Variants in TLN1 observed in about 807,000 individuals in gnomAD.
TLN1 encodes talin 1, also known as talin-1.
TLN1 carries 56 observed loss-of-function variants against 292.3 expected under a neutral mutation model. The ratio of observed to expected loss-of-function variants is 0.19; its 90% CI spans 0.15 to 0.24. The LOEUF is 0.24. TLN1 is among the 10% of genes least tolerant of loss of function. TLN1 has a pLI of 1.00. For missense variants in TLN1, 2,433 were observed against 3,248.2 expected, an observed-to-expected ratio of 0.75 and a Z score of 6.10; for synonymous variants, 1,119 against 1,253.7, an observed-to-expected ratio of 0.89 and a Z score of 2.27.
In TLN1 at chr9:35,711,585, C is replaced by T. The variant is rs373631060; in HGVS notation, c.3879+10G>A. On this transcript the variant is annotated intron_variant, in intron 29 of 56. Coordinates refer to ENST00000314888, the MANE Select transcript of TLN1 (RefSeq NM_006289.4). ...GGAACCATTCAACCAGACCCTCTGC[C>T]TCTTCATACCGGAGCCTGGCCTGCC... The T allele has an allele frequency of 2.5e-6, 4 of 1,613,390 alleles. No homozygotes were observed. The highest frequency in any genetic ancestry group is 3.4e-6 in the Non-Finnish European group (4 of 1,180,040).
At position 35,698,897 on chromosome 9, in the gene TLN1, G is replaced by A; in HGVS notation, c.7036C>T (p.Leu2346=). The A allele has an allele frequency of 6.2e-7, 1 of 1,614,158 alleles. No individual in the cohort carries two copies. The highest frequency in any genetic ancestry group is 8.5e-7 in the Non-Finnish European group (1 of 1,180,008). The part of the protein sequence containing the change: ...DESLNFEEQI[L]EAAKSIAAAT... ...GCTGCAATGGACTTGGCAGCTTCTA[G>A]TATCTGCTCCTCAAAGTTCAAGGAC... The change falls in exon 53 of 57, where the codon CTA becomes TTA. Residue 2346 remains leucine, a synonymous_variant. Transcript: ENST00000314888. This position sits in a 1 kb window ranked among gnomAD's most constrained non-coding sequence, Gnocchi z 5.3.
Position 35,698,143 on chromosome 9 carries a change from T to C in TLN1, c.7401A>G (p.Ser2467=), listed in dbSNP as rs1186691459. The C allele has an allele frequency of 6.2e-7, 1 of 1,614,028 alleles. No individual in the cohort carries two copies. Among genetic ancestry groups the C allele is most frequent in the East Asian group, 2.2e-5 (1 of 44,886 alleles). The part of the protein sequence containing the change: ...QAAGNAVKRA[S]DNLVKAAQKA... Reference sequence around the variant, plus strand: ...TCTGTGCTGCTTTCACCAGATTATCTGAGGCTCGCTTCACTGCGTTGCCAG... The same window carrying C: ...TCTGTGCTGCTTTCACCAGATTATCCGAGGCTCGCTTCACTGCGTTGCCAG... The change falls in exon 56 of 57, where the codon TCA becomes TCG. Residue 2467 remains serine, a synonymous_variant. Coordinates refer to ENST00000314888, the MANE Select transcript of TLN1 (RefSeq NM_006289.4). The surrounding 1 kb of genome is among the most constrained non-coding windows in gnomAD (Gnocchi z 5.3).
intron 7 of TLN1, 167 bp downstream of exon 7, chr9:35,723,785 A>G: frequency 1.0e-6 from 1 of 966,178 alleles, no homozygotes; most frequent in Middle Eastern, 3.2e-4. Context: ...AGAGGCAGAG[A>G]AGAGACAATG....
chr9:35,721,884 G>A (rs1825884052), intron 9 of TLN1, 81 bp from the exon 10 acceptor site: 1 of 1,563,336 alleles, frequency 6.4e-7, no homozygotes, highest in Non-Finnish European at 8.8e-7. Flanking sequence ...TGCAGCCATA[G>A]GGGATGTTGA....
At position 35,697,557 on chromosome 9, in the gene TLN1, G is replaced by A. The variant is rs950704279; in HGVS notation, c.*234C>T. 14 of 589,526 alleles carry A rather than the reference G, an allele frequency of 2.4e-5. No homozygotes were observed. The highest frequency in any genetic ancestry group is 2.6e-5 in the Non-Finnish European group (9 of 340,118). The allele number at this position is 589,526 out of a possible 1,614,324, so 36.5% of individuals were successfully genotyped here. A position where few individuals can be genotyped will look rare whatever the true frequency, so the allele number is the denominator to read the frequency against. ...GCAGCGTTAATAATACTCTTGGAGC[G>A]TTAATACTCTGGGGAGGGGCAGGCA... On this transcript the variant is annotated 3_prime_UTR_variant, in exon 57 of 57. Transcript: ENST00000314888.
intron 27 of TLN1, among the ~76,000 whole-genome samples, chr9:35,712,376 T>A (rs1391690969): frequency 6.6e-6 from 1 of 152,174 alleles, no homozygotes; most frequent in Non-Finnish European, 1.5e-5. Context: ...CCGGGCACAG[T>A]GGCTCACGCC....
At position 35,714,462 on chromosome 9, in the gene TLN1, A is replaced by G; in HGVS notation, c.2986-89T>C. 1.3e-6 allele frequency: 2 copies of G among 1,576,606 alleles called. No individual in the cohort carries two copies. The highest frequency in any genetic ancestry group is 1.7e-6 in the Non-Finnish European group (2 of 1,164,712). ...TGATGATGGTCAGGATGTAGGGAACACTGGGGCTTGGTATTGGGAAAGAGG... is the reference window on the plus strand; with the variant it reads ...TGATGATGGTCAGGATGTAGGGAACGCTGGGGCTTGGTATTGGGAAAGAGG... On this transcript the variant is annotated intron_variant, in intron 23 of 56. Transcript: ENST00000314888. The surrounding 1 kb of genome is among the most constrained non-coding windows in gnomAD (Gnocchi z 4.6).
Position 35,718,884 on chromosome 9 carries a change from A to G in TLN1, c.1923T>C (p.Ala641=). 1 of 1,613,286 alleles carries G rather than the reference A, an allele frequency of 6.2e-7. No individual in the cohort carries two copies. The change falls in exon 17 of 57, where the codon GCT becomes GCC. Residue 641 remains alanine (A), a synonymous_variant. Transcript: ENST00000314888. Reference sequence around the variant, plus strand: ...CCCCACTGGCCTGGCCCACGTTCCCAGCTGCTTGCAGCAGGTTCTGACGGG... The same window carrying G: ...CCCCACTGGCCTGGCCCACGTTCCCGGCTGCTTGCAGCAGGTTCTGACGGG... The part of the protein sequence containing the change: ...AEPRQNLLQA[A]GNVGQASGEL...
chr9:35,710,543 C>T lies in TLN1; in HGVS notation c.4326+18G>A, dbSNP rs368145393. ...AGAAAGTAGGGGCCATTCAAAGAACCCATCTCAGGAAAATAACCTGTGCAG... is the reference window on the plus strand; with the variant it reads ...AGAAAGTAGGGGCCATTCAAAGAACTCATCTCAGGAAAATAACCTGTGCAG... On this transcript the variant is annotated intron_variant, in intron 33 of 56. Transcript: ENST00000314888. The T allele has an allele frequency of 5.6e-6, 9 of 1,605,738 alleles. No individual in the cohort carries two copies. In the African/African-American group the frequency reaches 1.1e-4, roughly 19 times the overall value.
intron 48 of TLN1, among the ~76,000 whole-genome samples, chr9:35,702,037 G>A (rs1181309044): frequency 6.6e-6 from 1 of 152,214 alleles, no homozygotes; most frequent in Non-Finnish European, 1.5e-5. Context: ...GGGAGACCAG[G>A]GAGAAAACTG....
chr9:35,716,027 T>C (rs1262140342), intron 20 of TLN1, among the ~76,000 whole-genome samples: 1 of 152,092 alleles, frequency 6.6e-6, no homozygotes, highest in African/African-American at 2.4e-5. Context: ...AATGTCACTA[T>C]GTACCTCATG....
chr9:35,714,844 T>G lies in TLN1; in HGVS notation c.2787A>C (p.Thr929=), dbSNP rs767331429. The G allele has an allele frequency of 1.3e-6, 2 of 1,571,848 alleles. No homozygotes were observed. The highest frequency in any genetic ancestry group is 2.4e-5 in the South Asian group (2 of 83,252). ...CGTGCTGAGCTGCAGCGATGGTCTG[T>G]GTGGCTGAGGCTGCAGCCTGCTTGG... The part of the protein sequence containing the change: ...HAAKQAAASA[T]QTIAAAQHAA... The change falls in exon 22 of 57, where the codon ACA becomes ACC. Residue 929 remains threonine (T), a synonymous_variant. Transcript: ENST00000314888. This position sits in a 1 kb window ranked among gnomAD's most constrained non-coding sequence, Gnocchi z 4.6.
At position 35,698,793 on chromosome 9, in the gene TLN1, T is replaced by C; in HGVS notation, c.7125+15A>G. On this transcript the variant is annotated intron_variant, in intron 53 of 56. Coordinates refer to ENST00000314888, the MANE Select transcript of TLN1 (RefSeq NM_006289.4). The surrounding 1 kb of genome is among the most constrained non-coding windows in gnomAD (Gnocchi z 5.3). ...GCCAACCTGTCCCCATTCTTCTGGGTATTTAAGCACTCACCTTCCCTTGGG... is the reference window on the plus strand; with the variant it reads ...GCCAACCTGTCCCCATTCTTCTGGGCATTTAAGCACTCACCTTCCCTTGGG... 1 of 1,613,784 alleles carries C rather than the reference T, an allele frequency of 6.2e-7. No homozygotes were observed. Among genetic ancestry groups the C allele is most frequent in the Non-Finnish European group, 8.5e-7 (1 of 1,179,760 alleles).
At position 35,706,661 on chromosome 9, in the gene TLN1, C is replaced by A. The variant is rs1825570699; in HGVS notation, c.5088+107G>T. 1 of 1,582,634 alleles carries A rather than the reference C, an allele frequency of 6.3e-7. No homozygotes were observed. Among genetic ancestry groups the A allele is most frequent in the Non-Finnish European group, 8.6e-7 (1 of 1,162,124 alleles). On this transcript the variant is annotated intron_variant, in intron 38 of 56. Transcript: ENST00000314888. This position sits in a 1 kb window ranked among gnomAD's most constrained non-coding sequence, Gnocchi z 4.2. Reference sequence around the variant, plus strand: ...AATACCCTAACCCTCCTTCGCACATCCCAGCCTTTGATGTCCCTAAGAAGC... The same window carrying A: ...AATACCCTAACCCTCCTTCGCACATACCAGCCTTTGATGTCCCTAAGAAGC...
At chr9:35,716,158 C>G (rs1825777515) in intron 20 of TLN1, among the ~76,000 whole-genome samples, 1 of 148,658 alleles carries the variant, frequency 6.7e-6, no homozygotes, top group Non-Finnish European at 1.5e-5. Flanking sequence ...GAGTTTGAGA[C>G]CAGCCTGGGC....
Position 35,703,681 on chromosome 9 carries a change from AG to A in TLN1, c.6358-6del, listed in dbSNP as rs386734449. 5 of 1,614,164 alleles carry A rather than the reference AG, an allele frequency of 3.1e-6. No individual in the cohort carries two copies. In the African/African-American group the frequency reaches 5.3e-5, roughly 17 times the overall value. Reference sequence around the variant, plus strand: ...TGTCACATTGGTCACCATCACCTGGAGGTATCAGAGGAGTGAAGAGGAATGA... The same window carrying A: ...TGTCACATTGGTCACCATCACCTGGAGTATCAGAGGAGTGAAGAGGAATGA... On this transcript the variant is annotated splice_region_variant and splice_polypyrimidine_tract_variant and intron_variant, in intron 47 of 56. Transcript: ENST00000314888.
chr9:35,712,493 C>A (rs1376329366), intron 27 of TLN1, among the ~76,000 whole-genome samples: 1 of 151,886 alleles, frequency 6.6e-6, no homozygotes, highest in Non-Finnish European at 1.5e-5. Flanking sequence ...AAACAAAATT[C>A]AAAAATTAGC....
At position 35,713,987 on chromosome 9, in the gene TLN1, C is replaced by G; in HGVS notation, c.3215G>C (p.Arg1072Pro). 6.2e-7 allele frequency: 1 copy of G among 1,614,174 alleles called. No homozygotes were observed. Among genetic ancestry groups the G allele is most frequent in the South Asian group, 1.1e-5 (1 of 91,078 alleles). Residue 1072 changes from arginine (R) to proline (P), a missense_variant, in exon 25 of 57, where the codon CGA becomes CCA. By Grantham distance (103) the Arg-to-Pro change is moderately radical (BLOSUM62 -2). Transcript: ENST00000314888. ...AGGTAAGGGTTTAAGCTTGCCATCTCGAGCTGCTGCCTTCACTTCCTGTAG... is the reference window on the plus strand; with the variant it reads ...AGGTAAGGGTTTAAGCTTGCCATCTGGAGCTGCTGCCTTCACTTCCTGTAG... Reference protein sequence around the residue: ...KDLQEVKAAARDGKLKPLPGE... With the variant: ...KDLQEVKAAAPDGKLKPLPGE...
rs1460667786 is a variant in TLN1, at chr9:35,704,191, C to T, written c.6048-17G>A. On this transcript the variant is annotated splice_polypyrimidine_tract_variant and intron_variant, in intron 45 of 56. Coordinates refer to ENST00000314888, the MANE Select transcript of TLN1 (RefSeq NM_006289.4). This position sits in a 1 kb window ranked among gnomAD's most constrained non-coding sequence, Gnocchi z 6.9. ...ATGCCCTCCCTGAGGGAGGGCCCAG[C>T]TTAGTCAGATCTCCCCTACCCGCTC... The T allele has an allele frequency of 1.3e-6, 2 of 1,578,388 alleles. No homozygotes were observed. The highest frequency in any genetic ancestry group is 1.7e-6 in the Non-Finnish European group (2 of 1,160,642).
Sources: allele counts gnomAD v4.1 joint callset (sites outside exome capture counted in the v4.1 genomes callset), GRCh38; gene constraint gnomAD v4.1.1; non-coding constraint Gnocchi (gnomAD v3.1); transcripts MANE v1.5; gene names NCBI Gene and HGNC (gene_info 2026-07-23, HGNC 2026-07-21).